The following ROPN1L variants were observed in gnomAD, a reference collection of about 807,000 sequenced individuals.
ROPN1L encodes rhophilin associated tail protein 1 like, also known as ropporin-1-like protein.
In ROPN1L, 23 loss-of-function variants were observed where a neutral mutation model predicts 22.7. The ratio of observed to expected loss-of-function variants is 1.01; its 90% CI spans 0.73 to 1.43. The LOEUF (loss-of-function observed/expected upper bound fraction) is 1.43. ROPN1L is among the 40% of genes most tolerant of loss of function. The probability of loss-of-function intolerance (pLI) is 0.00; values close to 1 mark genes in which losing one functional copy is unlikely to be tolerated. For synonymous variants in ROPN1L, 116 were observed against 117.8 expected (o/e 0.98, Z 0.10); for missense variants, 271 against 291.5 (o/e 0.93, Z 0.51).
At chr5:10,456,317 G>A (rs539364392) in intron 3 of ROPN1L, among the ~76,000 whole-genome samples, 88 of 152,202 alleles carry the variant, frequency 5.8e-4, no homozygotes, top group African/African-American at 1.9e-3. Context: ...TGAAACCCCC[G>A]TCTCTACTAA....
chr5:10,465,373 A>G (rs902250064), downstream of ROPN1L, among the ~76,000 whole-genome samples: 1 of 152,154 alleles, frequency 6.6e-6, no homozygotes, highest in East Asian at 1.9e-4. Flanking sequence ...AAAATTAGCC[A>G]GGCGTGGTAG....
chr5:10,458,111 T>G (rs1404785802), intron 3 of ROPN1L, among the ~76,000 whole-genome samples: 4 of 151,550 alleles, frequency 2.6e-5, no homozygotes, highest in African/African-American at 7.3e-5. Flanking sequence ...TGCTGGAAAC[T>G]TAGCAGTAGG....
intron 3 of ROPN1L, among the ~76,000 whole-genome samples, chr5:10,455,029 A>G (rs1178820100): frequency 6.6e-6 from 1 of 152,224 alleles, no homozygotes; most frequent in East Asian, 1.9e-4. Flanking sequence ...CCTCGGGACG[A>G]TCATCAAAAT....
At chr5:10,448,027 C>T (rs1378798642) in intron 1 of ROPN1L, among the ~76,000 whole-genome samples, 2 of 152,202 alleles carry the variant, frequency 1.3e-5, no homozygotes, top group Non-Finnish European at 2.9e-5. Context: ...ACAATGCTCC[C>T]CAACCCTCCA....
chr5:10,451,584 C>G (rs1313382839), intron 3 of ROPN1L, among the ~76,000 whole-genome samples: 2 of 152,220 alleles, frequency 1.3e-5, no homozygotes, highest in Non-Finnish European at 2.9e-5. Context: ...TTGTTCATTC[C>G]CTTCCTTCGC....
At chr5:10,476,590 A>T (rs1735320857), downstream of ROPN1L, among the ~76,000 whole-genome samples, 1 of 152,224 alleles carries the variant, frequency 6.6e-6, no homozygotes, top group Admixed American at 6.5e-5. Flanking sequence ...AAAAGAAGAA[A>T]ATGATAAGTC....
chr5:10,474,886 G>GGTTTTTTATGACCAA (rs1735299161), downstream of ROPN1L, among the ~76,000 whole-genome samples: 1 of 152,060 alleles, frequency 6.6e-6, no homozygotes, highest in African/African-American at 2.4e-5. Context: ...ATTAAAAATG[G>GGTTTTTTATGACCAA]GTGTATATTT....
At chr5:10,443,305 CA>C (rs1740943208) in intron 1 of ROPN1L, among the ~76,000 whole-genome samples, 1 of 151,654 alleles carries the variant, frequency 6.6e-6, no homozygotes, top group African/African-American at 2.4e-5. Context: ...CAAATCACCA[CA>C]AAACTTGACA....
intron 3 of ROPN1L, among the ~76,000 whole-genome samples, chr5:10,456,442 C>T (rs1251901225): frequency 6.6e-6 from 1 of 152,148 alleles, no homozygotes; most frequent in Admixed American, 6.5e-5. Context: ...CAGCCAAGAT[C>T]GCATCACTGA....
At chr5:10,473,512 G>A (rs903816226), downstream of ROPN1L, among the ~76,000 whole-genome samples, 15 of 152,160 alleles carry the variant, frequency 9.9e-5, no homozygotes, top group Non-Finnish European at 1.9e-4. Context: ...GGGTCCTGCC[G>A]ATACCTTGAT....
chr5:10,447,058 A>G (rs960393471), intron 1 of ROPN1L, among the ~76,000 whole-genome samples: 1 of 152,254 alleles, frequency 6.6e-6, no homozygotes, highest in Non-Finnish European at 1.5e-5. Context: ...TTAGTCTATC[A>G]GATATCGACT....
chr5:10,461,233 C>T lies in ROPN1L; in HGVS notation c.467C>T (p.Pro156Leu), dbSNP rs17851209. Reference sequence around the variant, plus strand: ...CTGTGCGAGATCCTCACGGACGATCCGGAGGGCGGGCCCGCTCGCATCCCC... The same window carrying T: ...CTGTGCGAGATCCTCACGGACGATCTGGAGGGCGGGCCCGCTCGCATCCCC... ...KHLCEILTDD[P>L]EGGPARIPFK... Residue 156 changes from proline to leucine, a missense_variant, in exon 4 of 5, where the codon CCG becomes CTG. Pro to Leu is a moderately conservative substitution (Grantham distance 98, BLOSUM62 -3). Coordinates refer to ENST00000274134, the MANE Select transcript of ROPN1L (RefSeq NM_031916.5). The T allele has an allele frequency of 1.3e-5, 21 of 1,614,138 alleles. No homozygotes were observed. Among genetic ancestry groups the T allele is most frequent in the Admixed American group, 5.0e-5 (3 of 60,028 alleles).
intron 2 of ROPN1L, 101 bp downstream of exon 2, chr5:10,448,484 T>A: frequency 7.3e-7 from 1 of 1,375,042 alleles, no homozygotes. Flanking sequence ...CAGCAATGTA[T>A]TTCAAACCTC....
At chr5:10,474,160 GA>G (rs35607791), downstream of ROPN1L, among the ~76,000 whole-genome samples, 31,420 of 117,020 alleles carry the variant, frequency 0.27, 4,684 homozygotes, top group East Asian at 0.68. Flanking sequence ...TCAAAAAAAG[GA>G]AAAAAAAAAA....
At position 10,461,325 on chromosome 5, in the gene ROPN1L, A is replaced by C. The variant is rs992537737; in HGVS notation, c.559A>C (p.Thr187Pro). The change falls in exon 4 of 5, where the codon ACG becomes CCG. Residue 187 changes from threonine (T) to proline (P), a missense_variant. Coordinates refer to ENST00000274134, the MANE Select transcript of ROPN1L (RefSeq NM_031916.5). Reference protein sequence around the residue: ...RLDSDVSPLETESYLASLKEN... With the variant: ...RLDSDVSPLEPESYLASLKEN... ...AGACTCAGATGTGTCTCCCTTGGAG[A>C]CGGAATCCTACCTTGCCTCTCTAAA... The C allele has an allele frequency of 6.2e-7, 1 of 1,613,960 alleles. No homozygotes were observed. The highest frequency in any genetic ancestry group is 1.3e-5 in the African/African-American group (1 of 75,000).
chr5:10,443,578 C>T (rs568722200), intron 1 of ROPN1L, among the ~76,000 whole-genome samples: 3 of 151,618 alleles, frequency 2.0e-5, no homozygotes, highest in South Asian at 4.2e-4. Flanking sequence ...GCCGAGATTG[C>T]GCCACTGCAG....
At chr5:10,450,410 C>T (rs761096153) in intron 3 of ROPN1L, among the ~76,000 whole-genome samples, 3 of 152,144 alleles carry the variant, frequency 2.0e-5, no homozygotes, top group Non-Finnish European at 4.4e-5. Flanking sequence ...AACTACAAAT[C>T]ATTTTGTAAA....
At chr5:10,463,912 CT>C (rs1393525754) in intron 4 of ROPN1L, among the ~76,000 whole-genome samples, 1 of 152,196 alleles carries the variant, frequency 6.6e-6, no homozygotes, top group African/African-American at 2.4e-5. Context: ...GAGAAGCCCC[CT>C]GGCCTGTCAT....
At chr5:10,466,810 G>T (rs973228037), downstream of ROPN1L, among the ~76,000 whole-genome samples, 1 of 152,128 alleles carries the variant, frequency 6.6e-6, no homozygotes, top group Non-Finnish European at 1.5e-5. Flanking sequence ...GAGACCCAGT[G>T]CTTACGTAGC....
Sources: allele counts gnomAD v4.1 joint callset (sites outside exome capture counted in the v4.1 genomes callset), GRCh38; gene constraint gnomAD v4.1.1; transcripts MANE v1.5; gene names NCBI Gene and HGNC (gene_info 2026-07-23, HGNC 2026-07-21).